SECISBP2: variants seen among roughly 807,000 people sequenced by gnomAD.
SECISBP2 encodes SECIS binding protein 2.
In SECISBP2, 96 loss-of-function variants were observed where a neutral mutation model predicts 98.2. The ratio of observed to expected loss-of-function variants is 0.98; its 90% confidence interval spans 0.83 to 1.16. The LOEUF is 1.16. SECISBP2 is among the 50% of genes most tolerant of loss of function. The pLI is 0.00. For synonymous variants in SECISBP2, 407 were observed against 370.2 expected, an observed-to-expected ratio of 1.10 and a Z score of -1.14; for missense variants, 1,046 against 1,022.9, an observed-to-expected ratio of 1.02 and a Z score of -0.31.
chr9:89,363,803 C>T, downstream of SECISBP2: 2 of 1,614,034 alleles, frequency 1.2e-6, no homozygotes, highest in Non-Finnish European at 1.7e-6. Context: ...GAGGACAGAG[C>T]AGCGATACTC....
At chr9:89,345,870 G>A (rs1187343678) in intron 10 of SECISBP2, among the ~76,000 whole-genome samples, 3 of 152,174 alleles carry the variant, frequency 2.0e-5, no homozygotes, top group African/African-American at 7.2e-5. Context: ...GTGGAAACAA[G>A]GCTCCAAAGA....
intron 5 of SECISBP2, chr9:89,330,158 A>G (rs908550347): frequency 4.6e-5 from 7 of 152,248 alleles, no homozygotes; most frequent in African/African-American, 1.2e-4. Context: ...TTAAAACTGC[A>G]TAGTGTAACT....
Position 89,349,867 on chromosome 9 carries a change from G to A in SECISBP2, c.1830G>A (p.Glu610=), listed in dbSNP as rs755742293. The A allele has an allele frequency of 2.6e-5, 42 of 1,614,116 alleles. No homozygotes were observed. The Admixed American group carries it at 6.8e-4, about 26-fold the overall frequency. Residue 610 remains glutamate, a synonymous_variant, in exon 13 of 17, where the codon GAG becomes GAA. Transcript: ENST00000375807. ...PPGTELQRDT[E]ASHLAPNHTT... is the part of the protein sequence containing the mutation. Reference sequence around the variant, plus strand: ...GCACAGAGCTCCAGAGGGACACAGAGGCCTCCCACCTTGCTCCCAATCACA... The same window carrying A: ...GCACAGAGCTCCAGAGGGACACAGAAGCCTCCCACCTTGCTCCCAATCACA...
At chr9:89,342,922 CAT>C (rs1468947203) in intron 10 of SECISBP2, among the ~76,000 whole-genome samples, 2 of 152,168 alleles carry the variant, frequency 1.3e-5, no homozygotes, top group African/African-American at 2.4e-5. Flanking sequence ...CATTTTATGT[CAT>C]ATTACCACAA....
intron 7 of SECISBP2, among the ~76,000 whole-genome samples, chr9:89,336,939 T>C (rs1197657514): frequency 6.6e-6 from 1 of 151,912 alleles, no homozygotes; most frequent in Non-Finnish European, 1.5e-5. Context: ...GCCTGGCTAA[T>C]TTTTGTATTG....
At chr9:89,366,251 G>A in the SECISBP2 span, among the ~76,000 whole-genome samples, 1 of 152,248 alleles carries the variant, frequency 6.6e-6, no homozygotes, top group African/African-American at 2.4e-5. Context: ...AAATGGCTGG[G>A]ATGCTGGTGG....
At chr9:89,364,523 A>G (rs13283164), downstream of SECISBP2, 54,911 of 175,862 alleles carry the variant, frequency 0.31, 9,040 homozygotes, top group South Asian at 0.43. Flanking sequence ...GGCAGGGGCC[A>G]GGCCCTGCAG....
intron 5 of SECISBP2, among the ~76,000 whole-genome samples, chr9:89,331,061 A>C (rs1827673675): frequency 6.6e-6 from 1 of 152,232 alleles, no homozygotes; most frequent in African/African-American, 2.4e-5. Context: ...GATATTAGTA[A>C]TGTCTGAAAA....
chr9:89,337,349 T>C (rs963911518), intron 7 of SECISBP2, among the ~76,000 whole-genome samples: 2 of 151,834 alleles, frequency 1.3e-5, no homozygotes, highest in African/African-American at 4.8e-5. Flanking sequence ...TTAGAAACTT[T>C]CTGTATTGTG....
chr9:89,324,741 T>G (rs900974577), intron 2 of SECISBP2: 4 of 152,652 alleles, frequency 2.6e-5, no homozygotes, highest in Non-Finnish European at 5.9e-5. Context: ...AATCAGTTGC[T>G]TAGCATTTTG....
In SECISBP2 at chr9:89,358,426, A is replaced by G. The variant is rs1182782025; in HGVS notation, c.2461+235A>G. 2.0e-5 allele frequency among the ~76,000 whole-genome samples: 3 copies of G among 152,030 alleles called. No individual in the cohort carries two copies. In the East Asian group the frequency reaches 5.8e-4, roughly 30 times the overall value. On this transcript the variant is annotated intron_variant, in intron 16 of 16. Coordinates refer to ENST00000375807, the MANE Select transcript of SECISBP2 (RefSeq NM_024077.5). ...CTTTTGACAATGGGTGGCCTTAAGG[A>G]TAGCTGTACCCAAGACAGGCTTGGA...
chr9:89,320,040 C>G (rs993627961), intron 2 of SECISBP2, among the ~76,000 whole-genome samples: 6 of 152,038 alleles, frequency 3.9e-5, no homozygotes, highest in Non-Finnish European at 7.4e-5. Flanking sequence ...ATAGTAGAGA[C>G]TGCATTGCAT....
rs767141200 is a variant in SECISBP2, at chr9:89,346,990, T to C, written c.1544T>C (p.Met515Thr). 3.1e-6 allele frequency: 5 copies of C among 1,614,072 alleles called. No homozygotes were observed. The highest frequency in any genetic ancestry group is 4.2e-6 in the Non-Finnish European group (5 of 1,179,986). Reference sequence around the variant, plus strand: ...CCCTTGGACTCCAGCGCCCCACTGATGAAGAAAGGGAAGCAGAGGGAGATC... The same window carrying C: ...CCCTTGGACTCCAGCGCCCCACTGACGAAGAAAGGGAAGCAGAGGGAGATC... ...HNPLDSSAPL[M>T]KKGKQREIPK... The change falls in exon 11 of 17, where the codon ATG (methionine) becomes ACG (threonine). Residue 515 changes from methionine (M) to threonine (T), a missense_variant. By Grantham distance (81) the Met-to-Thr change is moderately conservative. Transcript: ENST00000375807.
intron 1 of SECISBP2, 72 bp downstream of exon 1, chr9:89,318,684 C>G: frequency 7.5e-7 from 1 of 1,332,364 alleles, no homozygotes; most frequent in Non-Finnish European, 9.7e-7. Context: ...CTCGGCCGGG[C>G]GGTGACGGGG....
intron 7 of SECISBP2, among the ~76,000 whole-genome samples, chr9:89,336,558 T>C (rs191691768): frequency 7.5e-4 from 114 of 152,278 alleles, no homozygotes; most frequent in African/African-American, 2.6e-3. Context: ...TAGCTATGTA[T>C]TTATAGTGGT....
intron 1 of SECISBP2, chr9:89,319,070 A>G: frequency 1.0e-6 from 1 of 1,004,828 alleles, no homozygotes; most frequent in Non-Finnish European, 1.2e-6. Flanking sequence ...CGGTGAAAGT[A>G]AATCTCTTAC....
intron 12 of SECISBP2, 95 bp from the exon 13 acceptor site, chr9:89,349,681 G>T (rs529807791): frequency 3.1e-6 from 4 of 1,297,090 alleles, no homozygotes; most frequent in Admixed American, 3.4e-5. Context: ...TGTGTGCAGG[G>T]GTCTGGTTGC....
rs1269402885 is a variant in SECISBP2, at chr9:89,324,576, A to T, written c.183-851A>T. On this transcript the variant is annotated intron_variant, in intron 2 of 16. Coordinates refer to ENST00000375807, the MANE Select transcript of SECISBP2 (RefSeq NM_024077.5). ...TTTCTAGTAAGCGGTGCTTATGCTC[A>T]TATCTCCTGACAGCGTAGCAGTTTG... 8 of 152,248 alleles carry T rather than the reference A, an allele frequency of 5.3e-5. No homozygotes were observed. The East Asian group carries it at 1.5e-3, about 29-fold the overall frequency. 9.4% of individuals were successfully genotyped at this position (152,248 alleles called of 1,614,324 possible). A position where few individuals can be genotyped will look rare whatever the true frequency, so the allele number is the denominator to read the frequency against.
intron 5 of SECISBP2, chr9:89,330,216 A>G (rs1827515764): frequency 2.0e-5 from 3 of 152,256 alleles, no homozygotes; most frequent in Admixed American, 2.0e-4. Flanking sequence ...TTAATGATGC[A>G]GCAAATTCAG....
Sources: allele counts gnomAD v4.1 joint callset (sites outside exome capture counted in the v4.1 genomes callset), GRCh38; gene constraint gnomAD v4.1.1; transcripts MANE v1.5; gene names NCBI Gene and HGNC (gene_info 2026-07-23, HGNC 2026-07-21).